The following PCDHGB1 variants were observed in gnomAD, a reference collection of about 807,000 sequenced individuals.
PCDHGB1 encodes protocadherin gamma-B1.
PCDHGB1 carries 34 observed loss-of-function variants against 56.6 expected under a neutral mutation model. The observed-to-expected ratio is 0.60, with a 90% CI of 0.46 to 0.80. The LOEUF (loss-of-function observed/expected upper bound fraction) is 0.80, where lower values mean the gene tolerates loss of function less well. Ranked by LOEUF, PCDHGB1 falls within the 30% of genes least tolerant of loss-of-function variation. PCDHGB1 has a pLI of 0.00. For synonymous variants in PCDHGB1, 561 were observed against 505.9 expected, an observed-to-expected ratio of 1.11 and a Z score of -1.46; for missense variants, 1,278 against 1,204.6, an observed-to-expected ratio of 1.06 and a Z score of -0.90.
intron 1 of PCDHGB1, among the ~76,000 whole-genome samples, chr5:141,464,426 GAT>G (rs1287556960): frequency 6.6e-6 from 1 of 151,096 alleles, no homozygotes; most frequent in African/African-American, 2.4e-5. Context: ...TATATATATA[GAT>G]ATATATGTTT....
In PCDHGB1 at chr5:141,370,866, C is replaced by A. The variant is rs770980502; in HGVS notation, c.2409+18197C>A. On this transcript the variant is annotated intron_variant, in intron 1 of 3. Transcript: ENST00000523390. ...AGCCACATTTGCCCTGGAATCTGCG[C>A]AAGATCCTGATGTAGGTGTCAATTC... 14 of 1,614,050 alleles carry A rather than the reference C, an allele frequency of 8.7e-6. No homozygotes were observed. In the Admixed American group the frequency reaches 2.3e-4, roughly 27 times the overall value.
chr5:141,374,735 G>A (rs760557076), intron 1 of PCDHGB1: 1 of 1,610,874 alleles, frequency 6.2e-7, no homozygotes. Flanking sequence ...CATGGATGGC[G>A]GCGACCCTGT....
Position 141,431,168 on chromosome 5 carries a change from G to A in PCDHGB1, c.2410-63639G>A, listed in dbSNP as rs779778442. On this transcript the variant is annotated intron_variant, in intron 1 of 3. Coordinates refer to ENST00000523390, the MANE Select transcript of PCDHGB1 (RefSeq NM_018922.3). This position sits in a 1 kb window ranked among gnomAD's most constrained non-coding sequence, Gnocchi z 4.8. Reference sequence around the variant, plus strand: ...CAATGCGCCTTACTTTCGTGAAAGTGAATTAGAAATAAAAATTAGTGAAAA... The same window carrying A: ...CAATGCGCCTTACTTTCGTGAAAGTAAATTAGAAATAAAAATTAGTGAAAA... The A allele has an allele frequency of 9.9e-6, 16 of 1,614,206 alleles. No individual in the cohort carries two copies. The Admixed American group carries it at 1.2e-4, about 12-fold the overall frequency.
intron 1 of PCDHGB1, among the ~76,000 whole-genome samples, chr5:141,407,095 T>C (rs1242751445): frequency 6.6e-6 from 1 of 152,370 alleles, no homozygotes; most frequent in East Asian, 1.9e-4. Flanking sequence ...ATTGTTTTAT[T>C]TGTTTGTAAT....
chr5:141,383,087 G>A, intron 1 of PCDHGB1: 2 of 1,613,912 alleles, frequency 1.2e-6, no homozygotes, highest in Non-Finnish European at 1.7e-6. Flanking sequence ...GCGGAGCGCG[G>A]AGTCCGCATC....
In PCDHGB1 at chr5:141,350,594, A is replaced by C; in HGVS notation, c.334A>C (p.Asn112His). ...CGAAACGGTCGCTGAAAACCCAATG[A>C]ATGTTTTCCACGTGGTTGTTGTAAT... is the stretch of plus-strand genomic sequence containing the variant. ...EFETVAENPM[N>H]VFHVVVVIQD... Residue 112 changes from asparagine to histidine, a missense_variant, in exon 1 of 4, where the codon AAT (asparagine) becomes CAT (histidine). Coordinates refer to ENST00000523390, the MANE Select transcript of PCDHGB1 (RefSeq NM_018922.3). 1 of 1,614,004 alleles carries C rather than the reference A, an allele frequency of 6.2e-7. No individual in the cohort carries two copies. Among genetic ancestry groups the C allele is most frequent in the Non-Finnish European group, 8.5e-7 (1 of 1,179,888 alleles).
At chr5:141,428,635 G>A (rs1411119011) in intron 1 of PCDHGB1, 1 of 180,288 alleles carries the variant, frequency 5.5e-6, no homozygotes, top group Non-Finnish European at 1.2e-5. Context: ...TAACTCTGTT[G>A]CTCCTACTCA....
At chr5:141,360,637 C>A (rs1326882872) in intron 1 of PCDHGB1, 1 of 1,614,018 alleles carries the variant, frequency 6.2e-7, no homozygotes, top group Non-Finnish European at 8.5e-7. Context: ...TAACTCACTA[C>A]AAAGATACCA....
Position 141,511,669 on chromosome 5 carries a change from T to C in PCDHGB1, c.*496T>C, listed in dbSNP as rs1468492336. 1 of 199,424 alleles carries C rather than the reference T, an allele frequency of 5.0e-6. No individual in the cohort carries two copies. The highest frequency in any genetic ancestry group is 2.3e-5 in the African/African-American group (1 of 43,748). The allele number at this position is 199,424 out of a possible 1,614,324, so 12.4% of individuals were successfully genotyped here. ...TCTTGGCCTCTCCTTTGATTCTCAA[T>C]CTTCCCCCAAAGCATGGTTTGGTGC... On this transcript the variant is annotated 3_prime_UTR_variant, in exon 4 of 4. Coordinates refer to ENST00000523390, the MANE Select transcript of PCDHGB1 (RefSeq NM_018922.3).
chr5:141,351,617 T>C lies in PCDHGB1; in HGVS notation c.1357T>C (p.Tyr453His). ...TGCACCTGTTTTCCATCAGGCCTCC[T>C]ATGTGGTCCACGTGTCTGAGAACAA... ...DNAPVFHQAS[Y>H]VVHVSENNPP... Residue 453 changes from tyrosine to histidine, a missense_variant, in exon 1 of 4, where the codon TAT (tyrosine) becomes CAT (histidine). Coordinates refer to ENST00000523390, the MANE Select transcript of PCDHGB1 (RefSeq NM_018922.3). The C allele has an allele frequency of 6.2e-7, 1 of 1,614,030 alleles. No homozygotes were observed. Among genetic ancestry groups the C allele is most frequent in the Admixed American group, 1.7e-5 (1 of 60,024 alleles).
intron 1 of PCDHGB1, chr5:141,441,867 GCCTGGCTA>G (rs2098280856): frequency 1.2e-5 from 4 of 345,682 alleles, no homozygotes; most frequent in Non-Finnish European, 2.3e-5. Flanking sequence ...ACGCCGCGGA[GCCTGGCTA>G]CCTGGTCACC....
At position 141,447,890 on chromosome 5, in the gene PCDHGB1, A is replaced by AC. The variant is rs1252174829; in HGVS notation, c.2410-46917_2410-46916insC. On this transcript the variant is annotated intron_variant, in intron 1 of 3. Transcript: ENST00000523390. ...CATCTGAGGTCAGGAGTTCGAGACCAGCCTGGCCAACATGGTGAAACTCTG... is the reference window on the plus strand; with the variant it reads ...CATCTGAGGTCAGGAGTTCGAGACCACGCCTGGCCAACATGGTGAAACTCTG... 1.3e-5 allele frequency among the ~76,000 whole-genome samples: 2 copies of AC among 152,146 alleles called. 1 individual carries two copies. The highest frequency in any genetic ancestry group is 4.8e-5 in the African/African-American group (2 of 41,434).
At chr5:141,495,571 C>T (rs1031548699) in intron 2 of PCDHGB1, among the ~76,000 whole-genome samples, 1 of 152,198 alleles carries the variant, frequency 6.6e-6, no homozygotes, top group African/African-American at 2.4e-5. Flanking sequence ...TCTGCCTCTC[C>T]CTCTCTTCTC....
chr5:141,382,072 G>A (rs901840757), intron 1 of PCDHGB1, among the ~76,000 whole-genome samples: 2 of 151,786 alleles, frequency 1.3e-5, no homozygotes, highest in African/African-American at 4.8e-5. Context: ...CAGGTGATCC[G>A]CCCGCCTCGG....
intron 1 of PCDHGB1, among the ~76,000 whole-genome samples, chr5:141,369,266 C>T (rs1021396846): frequency 2.0e-5 from 3 of 152,132 alleles, no homozygotes; most frequent in African/African-American, 7.2e-5. Context: ...ATTATAAGGA[C>T]TTACAATTCA....
intron 1 of PCDHGB1, chr5:141,398,947 A>G: frequency 1.2e-6 from 2 of 1,613,968 alleles, no homozygotes; most frequent in Admixed American, 1.7e-5. Context: ...CGAGGGCATC[A>G]ACTCAGAAAT....
intron 1 of PCDHGB1, chr5:141,399,027 A>G (rs1427563902): frequency 6.2e-7 from 1 of 1,613,788 alleles, no homozygotes; most frequent in Non-Finnish European, 8.5e-7. Context: ...TTACCACTCA[A>G]AAGAAACTGG....
At position 141,476,873 on chromosome 5, in the gene PCDHGB1, G is replaced by C; in HGVS notation, c.2410-17934G>C. On this transcript the variant is annotated intron_variant, in intron 1 of 3. Coordinates refer to ENST00000523390, the MANE Select transcript of PCDHGB1 (RefSeq NM_018922.3). This position sits in a 1 kb window ranked among gnomAD's most constrained non-coding sequence, Gnocchi z 7.6. ...CAACCAGTCCTTGTACCGGGCGCGC[G>C]TCCTGGAGGATGCACCCTCCGGCAC... 1 of 1,613,936 alleles carries C rather than the reference G, an allele frequency of 6.2e-7. No homozygotes were observed. Among genetic ancestry groups the C allele is most frequent in the South Asian group, 1.1e-5 (1 of 91,088 alleles).
At chr5:141,447,130 T>A (rs2098527397) in intron 1 of PCDHGB1, among the ~76,000 whole-genome samples, 1 of 152,146 alleles carries the variant, frequency 6.6e-6, no homozygotes, top group Admixed American at 6.6e-5. Context: ...TTTTTTTGTT[T>A]GTTTGTTTTT....
Sources: gnomAD v4.1 joint callset for allele counts (sites outside exome capture counted in the v4.1 genomes callset) on GRCh38, gnomAD v4.1.1 for gene constraint, Gnocchi (gnomAD v3.1) non-coding constraint, MANE v1.5 for transcripts, NCBI Gene and HGNC (gene_info 2026-07-23, HGNC 2026-07-21) for gene names.